Variants in STK3 observed in about 807,000 individuals in gnomAD.
STK3 encodes serine/threonine-protein kinase 3.
A neutral mutation model predicts 58.0 loss-of-function variants in STK3; 41 were observed. That is an observed-to-expected ratio of 0.71 (90% confidence interval 0.55 to 0.92). The LOEUF (loss-of-function observed/expected upper bound fraction) is 0.92, where lower values mean the gene tolerates loss of function less well. Among genes scored for constraint, STK3 ranks in the 40% least tolerant of loss-of-function variants. The pLI, the probability that STK3 is intolerant of heterozygous loss-of-function variation, is 0.00. For missense variants in STK3, 479 were observed against 602.7 expected (o/e 0.79, Z 2.15); for synonymous variants, 170 against 191.0 (o/e 0.89, Z 0.91).
chr8:98,398,991 A>G (rs1309299768), downstream of STK3, among the ~76,000 whole-genome samples: 1 of 152,232 alleles, frequency 6.6e-6, no homozygotes, highest in South Asian at 2.1e-4. Context: ...TGGACTCTCC[A>G]AAGAGGTCCT....
intron 7 of STK3, among the ~76,000 whole-genome samples, chr8:98,588,033 G>GGGTCTTGACTC (rs1814826661): frequency 6.6e-6 from 1 of 152,156 alleles, no homozygotes; most frequent in Non-Finnish European, 1.5e-5. Flanking sequence ...GCACACTGAT[G>GGGTCTTGACTC]GGTCTTGACT....
intron 1 of STK3, among the ~76,000 whole-genome samples, chr8:98,824,870 G>A (rs1835150074): frequency 6.6e-6 from 1 of 152,140 alleles, no homozygotes; most frequent in Non-Finnish European, 1.5e-5. Flanking sequence ...CAAACAATTC[G>A]TTAATTCATT....
intron 3 of STK3, among the ~76,000 whole-genome samples, chr8:98,843,695 C>G (rs1225760406): frequency 3.3e-5 from 5 of 152,238 alleles, no homozygotes; most frequent in Non-Finnish European, 5.9e-5. Flanking sequence ...GAAACAACAA[C>G]TGGCTTATCT....
At chr8:98,382,736 C>G (rs186852881) in intron 1 of STK3, among the ~76,000 whole-genome samples, 1 of 152,142 alleles carries the variant, frequency 6.6e-6, no homozygotes, top group Admixed American at 6.5e-5. Flanking sequence ...CTGCCTGCAC[C>G]GTCCACTCCA....
chr8:98,643,208 G>A (rs762601192), intron 6 of STK3, among the ~76,000 whole-genome samples: 2 of 152,048 alleles, frequency 1.3e-5, no homozygotes, highest in Admixed American at 6.6e-5. Context: ...CAGCCTGGGC[G>A]ACAGAGAGCT....
chr8:98,484,927 C>T (rs1428172419), intron 10 of STK3, among the ~76,000 whole-genome samples: 1 of 152,094 alleles, frequency 6.6e-6, no homozygotes, highest in Non-Finnish European at 1.5e-5. Flanking sequence ...AAGTAAACTT[C>T]ATCATTTGAT....
chr8:98,774,944 T>C, intron 1 of STK3, 125 bp from the exon 2 acceptor site: 2 of 569,826 alleles, frequency 3.5e-6, no homozygotes, highest in South Asian at 3.7e-5. Flanking sequence ...TCAAACAATA[T>C]AAAAACATAC....
chr8:98,731,538 T>C (rs1828205088), intron 4 of STK3, among the ~76,000 whole-genome samples: 1 of 152,000 alleles, frequency 6.6e-6, no homozygotes, highest in Admixed American at 6.6e-5. Flanking sequence ...GCTAACATGA[T>C]GAAACTCCGT....
intron 1 of STK3, chr8:98,782,388 C>A: frequency 1.3e-5 from 3 of 224,798 alleles, no homozygotes; most frequent in South Asian, 7.7e-5. Context: ...AAAGACTGAT[C>A]GCCACATGTA....
At chr8:98,489,227 TAAAAAAAAA>T (rs1027990571) in intron 10 of STK3, among the ~76,000 whole-genome samples, 1 of 147,338 alleles carries the variant, frequency 6.8e-6, no homozygotes, top group African/African-American at 2.5e-5. Flanking sequence ...GAACTAGAGT[TAAAAAAAAA>T]AAGAATATGA....
rs373963524 is a variant in STK3 at position 98,820,747 on chromosome 8, G to GCGGGTGGAT, written c.26+4759_26+4767dup. On this transcript the variant is annotated intron_variant, in intron 1 of 10. Coordinates refer to ENST00000419617, the MANE Select transcript of STK3 (RefSeq NM_006281.4). Reference sequence around the variant, plus strand: ...AATCCCAGCACTTTGGGAGGCCAAGGCGGGTGGATCACGAGGTCATGAGAT... The same window carrying GCGGGTGGAT: ...AATCCCAGCACTTTGGGAGGCCAAGGCGGGTGGATCGGGTGGATCACGAGGTCATGAGAT... Among the ~76,000 whole-genome samples the GCGGGTGGAT allele has an allele frequency of 8.6e-3, 1,313 of 152,282 alleles. 8 individuals are homozygous for GCGGGTGGAT. Among genetic ancestry groups the GCGGGTGGAT allele is most frequent in the African/African-American group, 0.03 (1,236 of 41,538 alleles).
upstream of STK3, among the ~76,000 whole-genome samples, chr8:98,829,843 C>T (rs1039991643): frequency 6.6e-6 from 1 of 152,008 alleles, no homozygotes; most frequent in Non-Finnish European, 1.5e-5. Context: ...GTTGGGGAAA[C>T]ATAATAAGAT....
chr8:98,723,447 T>A (rs1455655484), intron 4 of STK3, among the ~76,000 whole-genome samples: 2 of 152,142 alleles, frequency 1.3e-5, no homozygotes, highest in Non-Finnish European at 2.9e-5. Flanking sequence ...ACTGTGTATA[T>A]GGTTTTGATA....
At chr8:98,542,976 C>A (rs996589162) in intron 9 of STK3, among the ~76,000 whole-genome samples, 18 of 152,046 alleles carry the variant, frequency 1.2e-4, no homozygotes, top group Admixed American at 1.1e-3. Flanking sequence ...TATTAGGTAT[C>A]AAAAATACAG....
chr8:98,504,910 A>G (rs144881726), intron 10 of STK3, among the ~76,000 whole-genome samples: 2,304 of 152,180 alleles, frequency 0.015, 65 homozygotes, highest in African/African-American at 0.053. Flanking sequence ...GGTGTTCTCT[A>G]TATTTCCTGA....
At chr8:98,749,184 A>G in intron 4 of STK3, 92 bp downstream of exon 4, 1 of 970,294 alleles carries the variant, frequency 1.0e-6, no homozygotes, top group Non-Finnish European at 1.6e-6. Context: ...TTTTCATGCT[A>G]TTATTTTCTG....
At chr8:98,767,099 C>T in intron 3 of STK3, 144 bp downstream of exon 3, 1 of 978,036 alleles carries the variant, frequency 1.0e-6, no homozygotes. Context: ...CCAGCCTGGG[C>T]AACAACGGCA....
At chr8:98,686,927 T>C (rs1426367156) in intron 6 of STK3, among the ~76,000 whole-genome samples, 1 of 152,110 alleles carries the variant, frequency 6.6e-6, no homozygotes, top group Non-Finnish European at 1.5e-5. Context: ...AATATGAGAT[T>C]ATATAAAATG....
At chr8:98,503,026 C>G (rs1486467381) in intron 10 of STK3, among the ~76,000 whole-genome samples, 1 of 152,154 alleles carries the variant, frequency 6.6e-6, no homozygotes. Flanking sequence ...GTGAATCTGT[C>G]TGGTCCTGGA....
Sources: allele counts gnomAD v4.1 joint callset (sites outside exome capture counted in the v4.1 genomes callset), GRCh38; gene constraint gnomAD v4.1.1; transcripts MANE v1.5; gene names NCBI Gene and HGNC (gene_info 2026-07-23, HGNC 2026-07-21).